The following KCNJ5 variants were observed in gnomAD, a reference collection of about 807,000 sequenced individuals.
The protein encoded by KCNJ5 is G protein-activated inward rectifier potassium channel 4.
In KCNJ5, 12 loss-of-function variants were observed where a neutral mutation model predicts 20.2. That is an observed-to-expected ratio of 0.59 (90% CI 0.38 to 0.96). The LOEUF (loss-of-function observed/expected upper bound fraction) is 0.96. KCNJ5 is among the 40% of genes least tolerant of loss of function. KCNJ5 has a pLI of 0.00. For missense variants in KCNJ5, 449 were observed against 557.6 expected, an observed-to-expected ratio of 0.81 and a Z score of 1.96; for synonymous variants, 210 against 213.9, an observed-to-expected ratio of 0.98 and a Z score of 0.16.
intron 1 of KCNJ5, among the ~76,000 whole-genome samples, chr11:128,896,819 T>C (rs906335410): frequency 2.0e-5 from 3 of 152,140 alleles, no homozygotes; most frequent in African/African-American, 7.2e-5. Flanking sequence ...GGTATACAGG[T>C]TTTCATGTCT....
chr11:128,899,418 C>T (rs1944230415), intron 1 of KCNJ5: 1 of 152,194 alleles, frequency 6.6e-6, no homozygotes, highest in Non-Finnish European at 1.5e-5. Flanking sequence ...TCATCCTTTT[C>T]ACTTGTATAT....
intron 1 of KCNJ5, among the ~76,000 whole-genome samples, chr11:128,894,018 C>T (rs758989550): frequency 6.6e-6 from 1 of 152,176 alleles, no homozygotes; most frequent in Non-Finnish European, 1.5e-5. Context: ...TCTAGTCATC[C>T]GTGATGAAGT....
chr11:128,902,854 A>T, intron 1 of KCNJ5: 2 of 892,272 alleles, frequency 2.2e-6, no homozygotes, highest in African/African-American at 3.4e-5. Context: ...TAGCCCAGAA[A>T]TACGAACCGG....
At chr11:128,903,969 G>A (rs1456904077) in intron 1 of KCNJ5, among the ~76,000 whole-genome samples, 3 of 152,170 alleles carry the variant, frequency 2.0e-5, no homozygotes, top group African/African-American at 7.2e-5. Context: ...GGCAGCGGTG[G>A]CTGCACTTAG....
At chr11:128,908,071 A>C (rs1944449401) in intron 1 of KCNJ5, among the ~76,000 whole-genome samples, 2 of 152,244 alleles carry the variant, frequency 1.3e-5, no homozygotes, top group African/African-American at 4.8e-5. Flanking sequence ...AAAGAAATCT[A>C]AACAGTAGAG....
At chr11:128,906,311 G>C (rs1436752219) in intron 1 of KCNJ5, among the ~76,000 whole-genome samples, 2 of 152,168 alleles carry the variant, frequency 1.3e-5, no homozygotes, top group Admixed American at 1.3e-4. Flanking sequence ...CTTCCTAACT[G>C]TTTATGATCC....
chr11:128,914,296 G>A (rs998511440), intron 2 of KCNJ5, among the ~76,000 whole-genome samples: 2 of 152,218 alleles, frequency 1.3e-5, no homozygotes, highest in Admixed American at 6.5e-5. Flanking sequence ...CAGGGAGAGC[G>A]CCCACAGGCT....
In KCNJ5 at chr11:128,912,107, T is replaced by C. The variant is rs7118833; in HGVS notation, c.834T>C (p.His278=). ...LFLVSPLIIS[H]EINQKSPFWE... is the part of the protein sequence containing the mutation. ...TTGTGTCTCCTCTGATCATCTCCCA[T>C]GAGATCAACCAGAAGAGCCCTTTCT... Residue 278 remains histidine (H), a synonymous_variant, in exon 2 of 3, where the codon CAT becomes CAC. Transcript: ENST00000529694. 1,330,453 of 1,613,232 alleles carry C rather than the reference T, an allele frequency of 0.82. 549,567 individuals carry two copies. The highest frequency in any genetic ancestry group is 0.9 in the African/African-American group (67,373 of 74,984).
At position 128,912,123 on chromosome 11, in the gene KCNJ5, A is replaced by G; in HGVS notation, c.850A>G (p.Ser284Gly). The G allele has an allele frequency of 6.2e-7, 1 of 1,613,092 alleles. No individual in the cohort carries two copies. The highest frequency in any genetic ancestry group is 8.5e-7 in the Non-Finnish European group (1 of 1,179,944). ...CATCTCCCATGAGATCAACCAGAAG[A>G]GCCCTTTCTGGGAGATGTCTCAGGC... Reference protein sequence around the residue: ...LIISHEINQKSPFWEMSQAQL... With the variant: ...LIISHEINQKGPFWEMSQAQL... The change falls in exon 2 of 3, where the codon AGC (serine) becomes GGC (glycine). Residue 284 changes from serine to glycine, a missense_variant. By Grantham distance (56) the Ser-to-Gly change is moderately conservative (BLOSUM62 0). This residue lies in a region of KCNJ5 where 145 missense variants were observed against 166.2 expected (regional missense o/e 0.87). Transcript: ENST00000529694.
intron 1 of KCNJ5, among the ~76,000 whole-genome samples, chr11:128,894,431 G>A (rs1385697601): frequency 6.6e-6 from 1 of 152,270 alleles, no homozygotes; most frequent in East Asian, 1.9e-4. Context: ...GGCCATTTTT[G>A]GATGAAAATG....
rs34638286 is a variant in KCNJ5, at chr11:128,913,582, C to CT, written c.937+1382dup. Reference sequence around the variant, plus strand: ...CGTGCCTTCCTTTCTCTCTCTCTCTCTTTTTTTTTTCAACCAGGTACAATG... The same window carrying CT: ...CGTGCCTTCCTTTCTCTCTCTCTCTCTTTTTTTTTTTCAACCAGGTACAATG... On this transcript the variant is annotated intron_variant, in intron 2 of 2. Transcript: ENST00000529694. Among the ~76,000 whole-genome samples the CT allele has an allele frequency of 7.6e-4, 112 of 147,140 alleles. 2 individuals carry two copies. Among genetic ancestry groups the CT allele is most frequent in the South Asian group, 1.9e-3 (9 of 4,640 alleles).
At chr11:128,907,684 C>T (rs1944441999) in intron 1 of KCNJ5, among the ~76,000 whole-genome samples, 1 of 152,184 alleles carries the variant, frequency 6.6e-6, no homozygotes, top group Non-Finnish European at 1.5e-5. Context: ...CAAGTCAGTG[C>T]CTTTCCCTGC....
chr11:128,899,227 G>A (rs1317564314), intron 1 of KCNJ5, among the ~76,000 whole-genome samples: 2 of 152,116 alleles, frequency 1.3e-5, no homozygotes, highest in South Asian at 2.1e-4. Context: ...TCTATAAAAT[G>A]GGGAGAACAG....
rs186565262 is a variant in KCNJ5 at position 128,912,702 on chromosome 11, G to C, written c.937+492G>C. ...ATTTTTGTATTTTTAGTAGAGACAGGGTTTCACCATGTCGGCCAGGTTGGT... is the reference window on the plus strand; with the variant it reads ...ATTTTTGTATTTTTAGTAGAGACAGCGTTTCACCATGTCGGCCAGGTTGGT... On this transcript the variant is annotated intron_variant, in intron 2 of 2. Transcript: ENST00000529694. Among the ~76,000 whole-genome samples the C allele has an allele frequency of 9.3e-4, 141 of 152,224 alleles. 1 individual carries two copies. The highest frequency in any genetic ancestry group is 3.3e-3 in the African/African-American group (136 of 41,528).
intron 1 of KCNJ5, chr11:128,902,381 TG>T: frequency 1.3e-6 from 1 of 745,476 alleles, no homozygotes; most frequent in Admixed American, 2.7e-5. Flanking sequence ...GTTGGTGAAC[TG>T]GAGGACTATC....
intron 1 of KCNJ5, chr11:128,904,755 GCTGA>G (rs3971774): frequency 1.3e-5 from 7 of 557,588 alleles, no homozygotes; most frequent in South Asian, 2.2e-5. Context: ...GTGGGGGTTC[GCTGA>G]CTAATTGACT....
chr11:128,904,509 T>C, intron 1 of KCNJ5: 1 of 1,549,414 alleles, frequency 6.5e-7, no homozygotes. Flanking sequence ...GCAGCGTGCG[T>C]CCAGGGCGGA....
intron 1 of KCNJ5, chr11:128,909,907 C>T (rs4937390): frequency 0.42 from 63,936 of 152,178 alleles, 15,269 homozygotes; most frequent in South Asian, 0.59. Context: ...TTAGCATGAG[C>T]CCCGGAGCAT....
intron 2 of KCNJ5, among the ~76,000 whole-genome samples, chr11:128,913,673 A>C (rs1222811905): frequency 6.7e-6 from 1 of 150,296 alleles, no homozygotes; most frequent in Non-Finnish European, 1.5e-5. Context: ...ATGCATGTCT[A>C]TTTTTCCAAT....
Sources: gnomAD v4.1 joint callset for allele counts (sites outside exome capture counted in the v4.1 genomes callset) on GRCh38, gnomAD v4.1.1 for gene constraint, gnomAD v4.1.1 regional missense constraint, MANE v1.5 for transcripts, NCBI Gene and HGNC (gene_info 2026-07-23, HGNC 2026-07-21) for gene names.